Variants in PARD3B observed in about 807,000 individuals in gnomAD.
The protein encoded by PARD3B is partitioning defective 3 homolog B.
In PARD3B, 103 loss-of-function variants were observed where a neutral mutation model predicts 130.2. The observed-to-expected ratio is 0.79, with a 90% CI of 0.67 to 0.93. The LOEUF (loss-of-function observed/expected upper bound fraction) is 0.93, where lower values mean the gene tolerates loss of function less well. Ranked by LOEUF, PARD3B falls within the 40% of genes least tolerant of loss-of-function variation. The probability of loss-of-function intolerance (pLI) is 0.00; values close to 1 mark genes in which losing one functional copy is unlikely to be tolerated. For synonymous variants in PARD3B, 583 were observed against 553.2 expected (o/e 1.05, Z -0.76); for missense variants, 1,609 against 1,499.2 (o/e 1.07, Z -1.21).
intron 21 of PARD3B, among the ~76,000 whole-genome samples, chr2:205,509,110 C>A (rs151225153): frequency 7.9e-4 from 120 of 152,048 alleles, no homozygotes; most frequent in Admixed American, 6.5e-3. Context: ...TAGCATAAAT[C>A]ATTTTTGAAA....
intron 18 of PARD3B, among the ~76,000 whole-genome samples, chr2:205,342,967 A>T (rs1310870241): frequency 6.6e-6 from 1 of 152,182 alleles, no homozygotes; most frequent in Non-Finnish European, 1.5e-5. Flanking sequence ...AAAAGCTTTT[A>T]CCAATTTGGC....
chr2:204,829,776 G>T (rs2043734378), intron 2 of PARD3B, among the ~76,000 whole-genome samples: 1 of 152,056 alleles, frequency 6.6e-6, no homozygotes, highest in South Asian at 2.1e-4. Context: ...GAGGTGGGCG[G>T]ATCACGAGGT....
At chr2:205,223,453 C>A (rs2038352556) in intron 15 of PARD3B, among the ~76,000 whole-genome samples, 1 of 152,124 alleles carries the variant, frequency 6.6e-6, no homozygotes, top group African/African-American at 2.4e-5. Flanking sequence ...AGCCATAGGT[C>A]CAGGTATGAG....
intron 20 of PARD3B, among the ~76,000 whole-genome samples, chr2:205,441,601 A>T (rs372132116): frequency 1.5e-4 from 23 of 152,234 alleles, no homozygotes; most frequent in African/African-American, 5.5e-4. Context: ...CCTGACAACC[A>T]CCCAGTCCCT....
chr2:205,163,792 A>AT (rs1422982581), intron 11 of PARD3B, among the ~76,000 whole-genome samples: 2 of 152,198 alleles, frequency 1.3e-5, no homozygotes, highest in East Asian at 3.8e-4. Flanking sequence ...TAGATCTATA[A>AT]TTAATGAATT....
intron 2 of PARD3B, among the ~76,000 whole-genome samples, chr2:204,826,753 C>T (rs910527271): frequency 6.6e-6 from 1 of 152,158 alleles, no homozygotes. Context: ...GGCATGGTGG[C>T]TCATGCTTGT....
chr2:204,734,105 G>T (rs988579357), intron 2 of PARD3B, among the ~76,000 whole-genome samples: 2 of 151,776 alleles, frequency 1.3e-5, no homozygotes, highest in Non-Finnish European at 2.9e-5. Context: ...TTAAAACTGG[G>T]GTCCAATATT....
intron 2 of PARD3B, among the ~76,000 whole-genome samples, chr2:204,714,336 C>G (rs1286976968): frequency 6.6e-6 from 1 of 152,118 alleles, no homozygotes; most frequent in Non-Finnish European, 1.5e-5. Context: ...CCTTATTAGA[C>G]CAAAAAATCC....
chr2:205,165,167 C>T (rs748465738), intron 11 of PARD3B, among the ~76,000 whole-genome samples: 1 of 151,864 alleles, frequency 6.6e-6, no homozygotes, highest in African/African-American at 2.4e-5. Context: ...ATCTGGTTTT[C>T]TAGGCCAAAG....
intron 22 of PARD3B, among the ~76,000 whole-genome samples, chr2:205,567,281 A>G (rs2106536472): frequency 6.8e-6 from 1 of 147,088 alleles, no homozygotes; most frequent in East Asian, 2.1e-4. Flanking sequence ...ATGAATTTGG[A>G]TAAAGAATAT....
chr2:205,220,565 A>C (rs1189123551), intron 15 of PARD3B, among the ~76,000 whole-genome samples: 2 of 152,218 alleles, frequency 1.3e-5, no homozygotes, highest in African/African-American at 2.4e-5. Flanking sequence ...CTCCAGAGAT[A>C]AAACAGTGAA....
At chr2:205,283,536 A>G (rs939894425) in intron 16 of PARD3B, among the ~76,000 whole-genome samples, 1 of 152,182 alleles carries the variant, frequency 6.6e-6, no homozygotes, top group African/African-American at 2.4e-5. Context: ...CCTAAATGCA[A>G]TTCAATTCAC....
chr2:205,035,692 A>G (rs1697768621), intron 3 of PARD3B, among the ~76,000 whole-genome samples: 1 of 150,762 alleles, frequency 6.6e-6, no homozygotes, highest in African/African-American at 2.4e-5. Flanking sequence ...GCAATAGATT[A>G]TATGCAGAAT....
chr2:205,202,055 G>C (rs2037021188), intron 15 of PARD3B, among the ~76,000 whole-genome samples: 1 of 152,124 alleles, frequency 6.6e-6, no homozygotes, highest in Non-Finnish European at 1.5e-5. Context: ...ACTTCAGATA[G>C]TTTCCAGCAC....
At chr2:205,436,568 C>T (rs572728059) in intron 19 of PARD3B, among the ~76,000 whole-genome samples, 32 of 151,846 alleles carry the variant, frequency 2.1e-4, no homozygotes, top group African/African-American at 4.6e-4. Context: ...TTATCTTCTA[C>T]GGAAGTTTTT....
At chr2:205,236,133 A>C (rs2039051613) in intron 15 of PARD3B, among the ~76,000 whole-genome samples, 1 of 152,248 alleles carries the variant, frequency 6.6e-6, no homozygotes, top group Non-Finnish European at 1.5e-5. Flanking sequence ...AAATGATCAT[A>C]TTCATGCAAG....
At chr2:205,606,255 G>A (rs1366450346) in intron 22 of PARD3B, among the ~76,000 whole-genome samples, 2 of 152,122 alleles carry the variant, frequency 1.3e-5, no homozygotes, top group Non-Finnish European at 2.9e-5. Context: ...GGGCTCACGA[G>A]TGGGATCTCC....
At chr2:204,836,257 T>C (rs918527576) in intron 2 of PARD3B, among the ~76,000 whole-genome samples, 1 of 152,214 alleles carries the variant, frequency 6.6e-6, no homozygotes, top group Non-Finnish European at 1.5e-5. Context: ...AGAATTTTTT[T>C]TATCTCAGAA....
At chr2:205,593,451 T>C (rs2054460297) in intron 22 of PARD3B, among the ~76,000 whole-genome samples, 1 of 152,238 alleles carries the variant, frequency 6.6e-6, no homozygotes, top group Non-Finnish European at 1.5e-5. Context: ...TTTTTCAGCT[T>C]CTGGTTTTGC....
Sources: allele counts gnomAD v4.1 joint callset (sites outside exome capture counted in the v4.1 genomes callset), GRCh38; gene constraint gnomAD v4.1.1; transcripts MANE v1.5; gene names NCBI Gene and HGNC (gene_info 2026-07-23, HGNC 2026-07-21).